Variants in RBFOX1 observed in about 807,000 individuals in gnomAD.
RBFOX1 encodes RNA binding fox-1 homolog 1.
Under a neutral mutation model 57.7 loss-of-function variants are expected in RBFOX1, and 8 were observed. The ratio of observed to expected loss-of-function variants is 0.14; its 90% CI spans 0.08 to 0.25. RBFOX1 has a LOEUF of 0.25. Ranked by LOEUF, RBFOX1 falls within the 10% of genes least tolerant of loss-of-function variation. The pLI, the probability that RBFOX1 is intolerant of heterozygous loss-of-function variation, is 1.00. For missense variants in RBFOX1, 611 were observed against 548.5 expected (o/e 1.11, Z -1.14); for synonymous variants, 326 against 222.4 (o/e 1.47, Z -4.15).
At chr16:5,945,612 A>C (rs1269876306) in intron 4 of RBFOX1, among the ~76,000 whole-genome samples, 3 of 151,702 alleles carry the variant, frequency 2.0e-5, no homozygotes, top group Non-Finnish European at 4.4e-5. Context: ...AATAACTCCT[A>C]GGTTCACAGA....
chr16:7,178,743 C>T lies in RBFOX1; in HGVS notation c.27+126645C>T, dbSNP rs182280181. Among the ~76,000 whole-genome samples the T allele has an allele frequency of 7.2e-5, 11 of 152,276 alleles. No homozygotes were observed. The East Asian group carries it at 2.1e-3, about 29-fold the overall frequency. Reference sequence around the variant, plus strand: ...CACATGCCGGACCTCAGATGTATTGCTGTCCTAAAAAGTCAAGCACATTAT... The same window carrying T: ...CACATGCCGGACCTCAGATGTATTGTTGTCCTAAAAAGTCAAGCACATTAT... On this transcript the variant is annotated intron_variant, in intron 4 of 15. Transcript: ENST00000550418.
At position 7,152,511 on chromosome 16, in the gene RBFOX1, T is replaced by C. The variant is rs185715977; in HGVS notation, c.27+100413T>C. ...AGGATCTTTAAAAATTGTGGCCTTA[T>C]GGTCTGGTGCTACCAAAGAGTTAGC... On this transcript the variant is annotated intron_variant, in intron 4 of 15. Transcript: ENST00000550418. Among the ~76,000 whole-genome samples, 9 of 152,312 alleles carry C rather than the reference T, an allele frequency of 5.9e-5. No homozygotes were observed. The East Asian group carries it at 9.6e-4, about 16-fold the overall frequency.
At chr16:7,194,584 C>G (rs992531220) in intron 4 of RBFOX1, among the ~76,000 whole-genome samples, 1 of 152,130 alleles carries the variant, frequency 6.6e-6, no homozygotes, top group Non-Finnish European at 1.5e-5. Context: ...TGAATCCATT[C>G]TGTTTTCTAC....
At chr16:6,643,977 A>G (rs1340915566) in intron 2 of RBFOX1, among the ~76,000 whole-genome samples, 1 of 152,090 alleles carries the variant, frequency 6.6e-6, no homozygotes. Flanking sequence ...AATAAAAAAA[A>G]TAGCCAGACG....
rs141106038 is a variant in RBFOX1, at chr16:5,809,060, C to G, written c.319-58243C>G. On this transcript the variant is annotated intron_variant, in intron 3 of 19. Coordinates refer to the RBFOX1 transcript ENST00000641259. ...TGGTCTTTGACAAACCTGAGAAAAA[C>G]AAGCAATGGGGAAAGGATTCCCTAC... Among the ~76,000 whole-genome samples, 6 of 152,254 alleles carry G rather than the reference C, an allele frequency of 3.9e-5. No homozygotes were observed. The East Asian group carries it at 1.2e-3, about 29-fold the overall frequency.
At chr16:6,901,907 C>T (rs1391067445) in intron 3 of RBFOX1, among the ~76,000 whole-genome samples, 1 of 152,118 alleles carries the variant, frequency 6.6e-6, no homozygotes, top group Non-Finnish European at 1.5e-5. Context: ...GGTTTATTTG[C>T]CATCTGGCTT....
At chr16:5,404,103 G>T (rs1468331072) in intron 1 of RBFOX1, among the ~76,000 whole-genome samples, 1 of 151,020 alleles carries the variant, frequency 6.6e-6, no homozygotes, top group African/African-American at 2.4e-5. Flanking sequence ...CAGTGAGGGA[G>T]ATGACAAAGG....
At chr16:5,593,837 T>C (rs1348463586) in intron 2 of RBFOX1, among the ~76,000 whole-genome samples, 1 of 152,200 alleles carries the variant, frequency 6.6e-6, no homozygotes, top group Non-Finnish European at 1.5e-5. Context: ...CCTGAATTCT[T>C]TCTTGCGCGA....
chr16:5,732,205 G>A (rs1480001604), intron 3 of RBFOX1, among the ~76,000 whole-genome samples: 3 of 152,178 alleles, frequency 2.0e-5, no homozygotes, highest in Admixed American at 6.5e-5. Context: ...GTTCAATTCA[G>A]CATCTATGAA....
intron 2 of RBFOX1, among the ~76,000 whole-genome samples, chr16:6,386,873 A>G (rs1029834672): frequency 5.3e-5 from 8 of 152,192 alleles, no homozygotes; most frequent in African/African-American, 1.9e-4. Context: ...GGTGGTGAGA[A>G]AGGCGGAGAG....
rs866809247 is a variant in RBFOX1 at position 6,898,900 on chromosome 16, C to T, written c.-15-153157C>T. On this transcript the variant is annotated intron_variant, in intron 3 of 15. Transcript: ENST00000550418. ...ACGTGTATAATACGTGTGTGCATCT[C>T]GTATGTGTTTGTGCATATGTGTATA... 1.7e-4 allele frequency among the ~76,000 whole-genome samples: 24 copies of T among 142,808 alleles called. No individual in the cohort carries two copies. In the East Asian group the frequency reaches 4.7e-3, roughly 28 times the overall value. The allele number at this position is 142,808 out of a possible 152,430, so 93.7% of individuals were successfully genotyped here. A position where few individuals can be genotyped will look rare whatever the true frequency, so the allele number is the denominator to read the frequency against.
chr16:7,417,287 C>T (rs1255819625), intron 4 of RBFOX1, among the ~76,000 whole-genome samples: 1 of 149,128 alleles, frequency 6.7e-6, no homozygotes, highest in Non-Finnish European at 1.5e-5. Context: ...ACAGGGGAAT[C>T]ACTTGAACCT....
At chr16:6,003,616 T>A (rs570320803) in intron 4 of RBFOX1, among the ~76,000 whole-genome samples, 1 of 152,188 alleles carries the variant, frequency 6.6e-6, no homozygotes, top group Non-Finnish European at 1.5e-5. Context: ...ATCACCTACA[T>A]TGGAGTGTGC....
intron 4 of RBFOX1, among the ~76,000 whole-genome samples, chr16:7,419,174 C>T (rs921363138): frequency 6.6e-6 from 1 of 152,164 alleles, no homozygotes; most frequent in Non-Finnish European, 1.5e-5. Flanking sequence ...TCCCAAAGTG[C>T]TGGGATTACA....
At chr16:7,697,207 G>C (rs1044629031) in intron 14 of RBFOX1, among the ~76,000 whole-genome samples, 2 of 152,136 alleles carry the variant, frequency 1.3e-5, no homozygotes, top group African/African-American at 2.4e-5. Flanking sequence ...CAATGGCTTG[G>C]GTTAGTGGGG....
chr16:7,597,680 A>G (rs944070817), intron 9 of RBFOX1, among the ~76,000 whole-genome samples: 1 of 152,226 alleles, frequency 6.6e-6, no homozygotes, highest in Non-Finnish European at 1.5e-5. Flanking sequence ...TGGGATTGAG[A>G]TGCACTAATT....
chr16:5,377,210 C>T lies in RBFOX1; in HGVS notation c.220-90006C>T, dbSNP rs561458661. On this transcript the variant is annotated intron_variant, in intron 1 of 2. Coordinates refer to the RBFOX1 transcript ENST00000585867. ...AAGTGCAAATAGTCAGACATGACAT[C>T]TGCCTCCCCCACGCACAGCAAGTAT... 3.3e-5 allele frequency among the ~76,000 whole-genome samples: 5 copies of T among 151,606 alleles called. 1 individual carries two copies. In the South Asian group the frequency reaches 1.0e-3, roughly 31 times the overall value.
At chr16:7,647,325 G>C (rs934955535) in intron 11 of RBFOX1, among the ~76,000 whole-genome samples, 1 of 152,168 alleles carries the variant, frequency 6.6e-6, no homozygotes, top group Non-Finnish European at 1.5e-5. Context: ...CTTATGAGCT[G>C]AATCCAATTT....
intron 4 of RBFOX1, among the ~76,000 whole-genome samples, chr16:7,384,206 A>G (rs904781691): frequency 3.1e-4 from 47 of 152,078 alleles, no homozygotes; most frequent in African/African-American, 1.1e-3. Context: ...AATATATATG[A>G]AACATATATG....
Sources: allele counts gnomAD v4.1 joint callset (sites outside exome capture counted in the v4.1 genomes callset), GRCh38; gene constraint gnomAD v4.1.1; transcripts MANE v1.5; gene names NCBI Gene and HGNC (gene_info 2026-07-23, HGNC 2026-07-21).